DAAM1: variants seen among roughly 807,000 people sequenced by gnomAD.
DAAM1 encodes the protein dishevelled associated activator of morphogenesis 1.
DAAM1 carries 52 observed loss-of-function variants against 130.0 expected under a neutral mutation model. The observed-to-expected ratio is 0.40, with a 90% CI of 0.32 to 0.50. The LOEUF (loss-of-function observed/expected upper bound fraction) is 0.50, where lower values mean the gene tolerates loss of function less well. DAAM1 is among the 20% of genes least tolerant of loss of function. The probability of loss-of-function intolerance (pLI) is 0.61; values close to 1 mark genes in which losing one functional copy is unlikely to be tolerated. For missense variants in DAAM1, 1,134 were observed against 1,303.8 expected (o/e 0.87, Z 2.01); for synonymous variants, 452 against 444.5 (o/e 1.02, Z -0.21).
At chr14:59,221,557 G>A (rs1159528844) in intron 1 of DAAM1, among the ~76,000 whole-genome samples, 1 of 152,190 alleles carries the variant, frequency 6.6e-6, no homozygotes, top group Non-Finnish European at 1.5e-5. Flanking sequence ...GTTCTGCCTG[G>A]ATTGGGTTGT....
intron 1 of DAAM1, among the ~76,000 whole-genome samples, chr14:59,242,028 G>A (rs978226792): frequency 1.3e-5 from 2 of 152,120 alleles, no homozygotes; most frequent in African/African-American, 4.8e-5. Context: ...TTCATTAGGT[G>A]TTAAAACTGG....
intron 15 of DAAM1, among the ~76,000 whole-genome samples, chr14:59,338,217 A>C (rs571558355): frequency 2.3e-4 from 35 of 152,216 alleles, no homozygotes; most frequent in South Asian, 4.1e-4. Context: ...TATTCAGCCA[A>C]ATTTTCTCAT....
chr14:59,221,913 C>T (rs747871058), intron 1 of DAAM1, among the ~76,000 whole-genome samples: 8 of 152,322 alleles, frequency 5.3e-5, no homozygotes, highest in East Asian at 3.9e-4. Flanking sequence ...ACCCACTAGG[C>T]GTAATGGTGA....
chr14:59,285,535 GA>G (rs1236218670), intron 2 of DAAM1, among the ~76,000 whole-genome samples: 1 of 152,170 alleles, frequency 6.6e-6, no homozygotes, highest in Non-Finnish European at 1.5e-5. Context: ...GCCTTCAAGA[GA>G]CCCATCTCAC....
chr14:59,359,512 C>A lies in DAAM1; in HGVS notation c.2633+8C>A, dbSNP rs768837950. 5.6e-6 allele frequency: 9 copies of A among 1,600,610 alleles called. No individual in the cohort carries two copies. The Admixed American group carries it at 1.5e-4, about 27-fold the overall frequency. The stretch of plus-strand genomic sequence containing the variant: ...TCAAGCTGCGAAAGTAAAGTAAGTA[C>A]TTACAGTGAGTGTTAGTTTCTTAAA... On this transcript the variant is annotated splice_region_variant and intron_variant, in intron 21 of 24. Coordinates refer to ENST00000360909, the MANE Select transcript of DAAM1 (RefSeq NM_001270520.2).
At position 59,315,297 on chromosome 14, in the gene DAAM1, G is replaced by T; in HGVS notation, c.291G>T (p.Lys97Asn). ...CSKKKDQEEN[K>N]GATSWPEFYI... Reference sequence around the variant, plus strand: ...CTTTTTAGGACCAGGAAGAAAACAAGGGAGCTACAAGTTGGCCTGAATTCT... The same window carrying T: ...CTTTTTAGGACCAGGAAGAAAACAATGGAGCTACAAGTTGGCCTGAATTCT... The change falls in exon 4 of 25, where the codon AAG becomes AAT. Residue 97 changes from lysine to asparagine, a missense_variant. Physicochemically the swap from Lys to Asn is moderately conservative, Grantham distance 94 (BLOSUM62 0). Coordinates refer to ENST00000360909, the MANE Select transcript of DAAM1 (RefSeq NM_001270520.2). The T allele has an allele frequency of 6.2e-7, 1 of 1,614,000 alleles. No homozygotes were observed. The highest frequency in any genetic ancestry group is 8.5e-7 in the Non-Finnish European group (1 of 1,179,912).
chr14:59,264,613 G>A (rs1342580249), intron 2 of DAAM1: 2 of 151,878 alleles, frequency 1.3e-5, no homozygotes, highest in Non-Finnish European at 2.9e-5. Flanking sequence ...GATCACCACT[G>A]GCATTTTGTA....
chr14:59,247,004 C>G (rs1270974907), intron 1 of DAAM1, among the ~76,000 whole-genome samples: 1 of 151,974 alleles, frequency 6.6e-6, no homozygotes, highest in Non-Finnish European at 1.5e-5. Context: ...TATTTTCTTT[C>G]ATAAGTTTTA....
chr14:59,332,022 A>G, intron 15 of DAAM1, 102 bp downstream of exon 15: 4 of 997,150 alleles, frequency 4.0e-6, no homozygotes, highest in Non-Finnish European at 6.1e-6. Context: ...CGGCATATGA[A>G]TTCTAGGCTG....
At chr14:59,216,719 CAAAAG>C (rs1454654316) in intron 1 of DAAM1, among the ~76,000 whole-genome samples, 5 of 145,796 alleles carry the variant, frequency 3.4e-5, no homozygotes, top group African/African-American at 1.3e-4. Context: ...GACTCTGTCT[CAAAAG>C]AAAAAAAAAA....
intron 6 of DAAM1, 127 bp downstream of exon 6, chr14:59,323,352 CT>C: frequency 1.0e-6 from 1 of 1,000,210 alleles, no homozygotes; most frequent in Non-Finnish European, 1.4e-6. Context: ...CACAGTGTGA[CT>C]TTAAACATTC....
intron 3 of DAAM1, among the ~76,000 whole-genome samples, chr14:59,307,043 T>C (rs1365276124): frequency 6.6e-6 from 1 of 152,100 alleles, no homozygotes; most frequent in Non-Finnish European, 1.5e-5. Context: ...CCTTTATAGA[T>C]TGTGTTTTCT....
rs761557058 is a variant in DAAM1 at position 59,263,451 on chromosome 14, C to T, written c.-27C>T. ...ATCCTCTTTTTGCAGCGTTTAGTCA[C>T]ATCAAGAAATAGAACAGAATTCAGC... On this transcript the variant is annotated 5_prime_UTR_variant, in exon 2 of 25. Coordinates refer to ENST00000360909, the MANE Select transcript of DAAM1 (RefSeq NM_001270520.2). 6 of 1,613,374 alleles carry T rather than the reference C, an allele frequency of 3.7e-6. No homozygotes were observed. Among genetic ancestry groups the T allele is most frequent in the Non-Finnish European group, 4.2e-6 (5 of 1,179,442 alleles).
intron 2 of DAAM1, chr14:59,265,367 CT>C (rs1220738868): frequency 6.6e-6 from 1 of 152,220 alleles, no homozygotes; most frequent in Non-Finnish European, 1.5e-5. Flanking sequence ...TCTCTTCCTT[CT>C]TTGATCTCCA....
intron 2 of DAAM1, among the ~76,000 whole-genome samples, chr14:59,279,669 T>TA (rs1302928067): frequency 6.6e-6 from 1 of 152,204 alleles, no homozygotes; most frequent in Non-Finnish European, 1.5e-5. Context: ...AATTTTTTTT[T>TA]ACCTGTAAGT....
chr14:59,355,736 C>A (rs1886455568), intron 20 of DAAM1, among the ~76,000 whole-genome samples: 1 of 152,188 alleles, frequency 6.6e-6, no homozygotes, highest in Admixed American at 6.5e-5. Context: ...ATAACCAGCG[C>A]CCAGATCAAG....
chr14:59,212,217 C>T (rs1888445186), intron 1 of DAAM1, among the ~76,000 whole-genome samples: 1 of 152,120 alleles, frequency 6.6e-6, no homozygotes, highest in Non-Finnish European at 1.5e-5. Flanking sequence ...AAATATATGA[C>T]AAAGTATGTG....
intron 2 of DAAM1, among the ~76,000 whole-genome samples, chr14:59,276,975 T>C (rs1408706601): frequency 6.6e-6 from 1 of 152,198 alleles, no homozygotes; most frequent in Non-Finnish European, 1.5e-5. Flanking sequence ...ATGTAAAGAG[T>C]TAGTTAACTC....
intron 23 of DAAM1, among the ~76,000 whole-genome samples, chr14:59,364,492 G>T (rs750678027): frequency 1.3e-5 from 2 of 151,996 alleles, no homozygotes; most frequent in Non-Finnish European, 2.9e-5. Flanking sequence ...CTTCCAAAAT[G>T]CATTCACATT....
Sources: gnomAD v4.1 joint callset for allele counts (sites outside exome capture counted in the v4.1 genomes callset) on GRCh38, gnomAD v4.1.1 for gene constraint, MANE v1.5 for transcripts, NCBI Gene and HGNC (gene_info 2026-07-23, HGNC 2026-07-21) for gene names.